The following ABI3BP variants were observed in gnomAD, a reference collection of about 807,000 sequenced individuals.
The protein encoded by ABI3BP is ABI family member 3 binding protein, also known as target of Nesh-SH3.
A neutral mutation model predicts 268.6 loss-of-function variants in ABI3BP; 216 were observed. The ratio of observed to expected loss-of-function variants is 0.80; its 90% confidence interval spans 0.72 to 0.90. The LOEUF (loss-of-function observed/expected upper bound fraction) is 0.90. ABI3BP is among the 40% of genes least tolerant of loss of function. The pLI, the probability that ABI3BP is intolerant of heterozygous loss-of-function variation, is 0.00. For missense variants in ABI3BP, 2,090 were observed against 2,182.4 expected, an observed-to-expected ratio of 0.96 and a Z score of 0.84; for synonymous variants, 730 against 730.0, an observed-to-expected ratio of 1.00 and a Z score of 0.00.
intron 2 of ABI3BP, chr3:100,911,076 A>T: frequency 4.1e-6 from 1 of 242,894 alleles, no homozygotes; most frequent in Non-Finnish European, 8.1e-6. Flanking sequence ...TACTATCAGT[A>T]TCTGTTTTAC....
chr3:100,836,055 G>C (rs1193066729), intron 27 of ABI3BP, among the ~76,000 whole-genome samples: 1 of 152,150 alleles, frequency 6.6e-6, no homozygotes, highest in African/African-American at 2.4e-5. Context: ...GTTGTGAGGA[G>C]AATTAGAAAG....
intron 6 of ABI3BP, among the ~76,000 whole-genome samples, chr3:100,880,774 C>G (rs1183295852): frequency 6.6e-6 from 1 of 152,150 alleles, no homozygotes; most frequent in East Asian, 1.9e-4. Context: ...CACTAACTTC[C>G]TCCTGATAAT....
intron 63 of ABI3BP, among the ~76,000 whole-genome samples, chr3:100,762,716 T>C (rs1474745759): frequency 6.6e-6 from 1 of 152,196 alleles, no homozygotes; most frequent in African/African-American, 2.4e-5. Context: ...GCTCATTGAA[T>C]CTCTGACATA....
At chr3:100,916,433 C>A (rs553940792) in intron 2 of ABI3BP, among the ~76,000 whole-genome samples, 2 of 152,162 alleles carry the variant, frequency 1.3e-5, no homozygotes, top group Non-Finnish European at 1.5e-5. Context: ...TACTGGAACA[C>A]TTATAGGCCA....
rs1560826976 is a variant in ABI3BP at position 100,851,928 on chromosome 3, ACAT to A, written c.1295_1297del (p.Asp432del). The A allele has an allele frequency of 2.5e-6, 4 of 1,571,344 alleles. No homozygotes were observed. In the South Asian group the frequency reaches 3.6e-5, roughly 14 times the overall value. On this transcript the variant is annotated inframe_deletion, in exon 15 of 68. Transcript: ENST00000471714. ...ATCTGATGTTGTAGGGCTTGAGAAA[ACAT>A]CATAAGTTGCTTAAAAAAAAAAAAA... is the stretch of plus-strand genomic sequence containing the variant.
At chr3:100,923,071 A>C (rs2060785087) in intron 2 of ABI3BP, among the ~76,000 whole-genome samples, 2 of 152,220 alleles carry the variant, frequency 1.3e-5, no homozygotes, top group African/African-American at 4.8e-5. Context: ...TTCCACTAGA[A>C]TACTAGAAGA....
At chr3:100,883,466 A>C (rs1382950014) in intron 6 of ABI3BP, among the ~76,000 whole-genome samples, 1 of 152,140 alleles carries the variant, frequency 6.6e-6, no homozygotes, top group Non-Finnish European at 1.5e-5. Context: ...AGAACCCATG[A>C]AACGCCCAAC....
At chr3:100,902,880 C>T (rs1211777525) in intron 2 of ABI3BP, among the ~76,000 whole-genome samples, 194 bp from the exon 3 acceptor site, 1 of 152,132 alleles carries the variant, frequency 6.6e-6, no homozygotes, top group African/African-American at 2.4e-5. Flanking sequence ...AAATTAAATC[C>T]AGATTTTCCA....
At chr3:100,876,825 CAA>C (rs5851232) in intron 6 of ABI3BP, among the ~76,000 whole-genome samples, 81 of 147,120 alleles carry the variant, frequency 5.5e-4, no homozygotes, top group East Asian at 8.0e-4. Flanking sequence ...ACTAAAAATA[CAA>C]AAAAAAAAAA....
intron 2 of ABI3BP, among the ~76,000 whole-genome samples, chr3:100,914,946 G>A (rs1195075734): frequency 6.6e-6 from 1 of 152,148 alleles, no homozygotes; most frequent in Non-Finnish European, 1.5e-5. Flanking sequence ...GCTATTAAAA[G>A]CATGCATTTC....
intron 17 of ABI3BP, among the ~76,000 whole-genome samples, chr3:100,849,374 C>T (rs957433247): frequency 1.5e-4 from 23 of 151,960 alleles, no homozygotes; most frequent in African/African-American, 5.6e-4. Flanking sequence ...CAGGCATGTA[C>T]CATGACGTCC....
intron 11 of ABI3BP, 110 bp downstream of exon 11, chr3:100,864,723 G>A: frequency 1.3e-6 from 1 of 742,624 alleles, no homozygotes; most frequent in East Asian, 2.8e-5. Flanking sequence ...AAAGGAGAAA[G>A]TGGGGAGGGA....
rs1176842416 is a variant in ABI3BP, at chr3:100,912,159, A to G, written c.260-9473T>C. The G allele has an allele frequency of 1.2e-5, 5 of 405,972 alleles. No homozygotes were observed. In the Admixed American group the frequency reaches 1.6e-4, roughly 13 times the overall value. 25.1% of individuals were successfully genotyped at this position (405,972 alleles called of 1,614,324 possible). A position where few individuals can be genotyped will look rare whatever the true frequency, so the allele number is the denominator to read the frequency against. On this transcript the variant is annotated intron_variant, in intron 2 of 67. Transcript: ENST00000471714. Reference sequence around the variant, plus strand: ...GCTGGTCAACACAAAGCCCAAGAACACCTGCTCTTACCCTTCGTGCTGCCG... The same window carrying G: ...GCTGGTCAACACAAAGCCCAAGAACGCCTGCTCTTACCCTTCGTGCTGCCG...
At chr3:100,779,111 T>G (rs551722293) in intron 58 of ABI3BP, among the ~76,000 whole-genome samples, 2 of 152,236 alleles carry the variant, frequency 1.3e-5, no homozygotes, top group Admixed American at 1.3e-4. Context: ...CTTTTGTGGG[T>G]GTTTTGATCC....
At chr3:100,985,782 T>G (rs1417993907) in intron 1 of ABI3BP, among the ~76,000 whole-genome samples, 1 of 152,226 alleles carries the variant, frequency 6.6e-6, no homozygotes, top group Non-Finnish European at 1.5e-5. Flanking sequence ...CCTCAAGCAC[T>G]GAGGGAGACA....
chr3:100,850,039 A>G lies in ABI3BP; in HGVS notation c.1501+6T>C. ...CATACATAACTACATAAATGTCATT[A>G]GTTACCAGGTGTCGTAGGCTGCATT... On this transcript the variant is annotated splice_donor_region_variant and intron_variant, in intron 17 of 67. Coordinates refer to ENST00000471714, the MANE Select transcript of ABI3BP (RefSeq NM_001375547.2). 1 of 1,608,614 alleles carries G rather than the reference A, an allele frequency of 6.2e-7. No individual in the cohort carries two copies.
At chr3:100,758,611 A>G (rs1224551220) in intron 63 of ABI3BP, among the ~76,000 whole-genome samples, 3 of 152,180 alleles carry the variant, frequency 2.0e-5, no homozygotes, top group Non-Finnish European at 4.4e-5. Context: ...TCTGCCTGCC[A>G]TCAACATAGA....
In ABI3BP at chr3:100,863,995, T is replaced by A. The variant is rs2099024978; in HGVS notation, c.1138+7A>T. 2 of 1,519,230 alleles carry A rather than the reference T, an allele frequency of 1.3e-6. No homozygotes were observed. The highest frequency in any genetic ancestry group is 1.8e-6 in the Non-Finnish European group (2 of 1,131,528). 94.1% of individuals were successfully genotyped at this position (1,519,230 alleles called of 1,614,324 possible). On this transcript the variant is annotated splice_region_variant and intron_variant, in intron 12 of 67. Transcript: ENST00000471714. ...ATAATAAAGCTGCAGTATTTATTAT[T>A]TTTTACCTAGAGTGCTCAGTGGCAA...
At chr3:100,771,449 A>G (rs1006305767) in intron 61 of ABI3BP, among the ~76,000 whole-genome samples, 2 of 152,222 alleles carry the variant, frequency 1.3e-5, no homozygotes, top group Non-Finnish European at 2.9e-5. Flanking sequence ...ATTACCTATA[A>G]TAAGGAGAAA....
Sources: allele counts gnomAD v4.1 joint callset (sites outside exome capture counted in the v4.1 genomes callset), GRCh38; gene constraint gnomAD v4.1.1; transcripts MANE v1.5; gene names NCBI Gene and HGNC (gene_info 2026-07-23, HGNC 2026-07-21).